EFCAB6: variants seen among roughly 807,000 people sequenced by gnomAD.
EFCAB6 encodes the protein EF-hand calcium-binding domain-containing protein 6.
EFCAB6 carries 156 observed loss-of-function variants against 169.8 expected under a neutral mutation model. The ratio of observed to expected loss-of-function variants is 0.92; its 90% CI spans 0.81 to 1.05. The LOEUF is 1.05. Ranked by LOEUF, EFCAB6 falls within the 50% of genes least tolerant of loss-of-function variation. EFCAB6 has a pLI of 0.00. For synonymous variants in EFCAB6, 698 were observed against 676.4 expected (o/e 1.03, Z -0.50); for missense variants, 1,800 against 1,829.1 (o/e 0.98, Z 0.29).
chr22:43,742,953 G>T (rs1031134257), intron 6 of EFCAB6, among the ~76,000 whole-genome samples: 1 of 152,228 alleles, frequency 6.6e-6, no homozygotes, highest in South Asian at 2.1e-4. Flanking sequence ...TGCCTGGAGA[G>T]CAAGGCTGGG....
intron 6 of EFCAB6, among the ~76,000 whole-genome samples, chr22:43,741,892 C>T (rs551437968): frequency 1.3e-5 from 2 of 152,190 alleles, no homozygotes; most frequent in South Asian, 4.1e-4. Context: ...GCAGGGGAGA[C>T]CTGGTCCCTG....
chr22:43,794,794 TAGAC>T (rs1171675715), intron 2 of EFCAB6, among the ~76,000 whole-genome samples: 2 of 152,194 alleles, frequency 1.3e-5, no homozygotes, highest in African/African-American at 4.8e-5. Flanking sequence ...CTTAATATCT[TAGAC>T]AGACTCTACT....
intron 2 of EFCAB6, among the ~76,000 whole-genome samples, chr22:43,796,575 C>T (rs947563268): frequency 7.2e-5 from 11 of 152,006 alleles, no homozygotes; most frequent in East Asian, 3.9e-4. Context: ...ATACGGCAAC[C>T]GAGAAAAAAC....
At chr22:43,769,110 G>A (rs752557999) in intron 4 of EFCAB6, among the ~76,000 whole-genome samples, 3 of 152,160 alleles carry the variant, frequency 2.0e-5, no homozygotes, top group African/African-American at 7.2e-5. Context: ...TCCATCAGCC[G>A]ATCAAAGGGT....
intron 25 of EFCAB6, among the ~76,000 whole-genome samples, chr22:43,580,154 C>T (rs1034379401): frequency 2.6e-5 from 4 of 152,086 alleles, no homozygotes; most frequent in African/African-American, 7.2e-5. Flanking sequence ...TGCCTGGCTG[C>T]GTTGAGAGCT....
chr22:43,597,948 A>C (rs1293494827), intron 23 of EFCAB6, among the ~76,000 whole-genome samples: 2 of 152,240 alleles, frequency 1.3e-5, no homozygotes, highest in Non-Finnish European at 2.9e-5. Flanking sequence ...AGACATCATT[A>C]TATGAAGAGA....
intron 3 of EFCAB6, among the ~76,000 whole-genome samples, chr22:43,780,628 C>T (rs769167110): frequency 1.3e-5 from 2 of 151,664 alleles, no homozygotes; most frequent in Non-Finnish European, 2.9e-5. Context: ...AGCTATTGAA[C>T]TGGGATGCAT....
At chr22:43,753,661 AAGAG>A (rs2060851738) in intron 6 of EFCAB6, among the ~76,000 whole-genome samples, 1 of 152,156 alleles carries the variant, frequency 6.6e-6, no homozygotes, top group Non-Finnish European at 1.5e-5. Flanking sequence ...GCCTGTGAAG[AAGAG>A]AGAGGCTGAC....
intron 24 of EFCAB6, among the ~76,000 whole-genome samples, chr22:43,584,600 A>C (rs1469004278): frequency 6.6e-6 from 1 of 152,168 alleles, no homozygotes; most frequent in Non-Finnish European, 1.5e-5. Context: ...TTCCAAGGGA[A>C]AAGACTTTCT....
chr22:43,534,894 C>A, intron 29 of EFCAB6, 22 bp from the exon 30 acceptor site: 1 of 1,585,264 alleles, frequency 6.3e-7, no homozygotes, highest in South Asian at 1.2e-5. Flanking sequence ...AATGGCAGTT[C>A]AATTGGTGGC....
intron 19 of EFCAB6, 131 bp downstream of exon 19, chr22:43,631,974 C>T: frequency 7.5e-7 from 1 of 1,337,044 alleles, no homozygotes; most frequent in Non-Finnish European, 1.0e-6. Context: ...GCTGGGTCTG[C>T]AGAGGGAAAT....
intron 22 of EFCAB6, among the ~76,000 whole-genome samples, chr22:43,601,229 G>T (rs2052500657): frequency 6.6e-6 from 1 of 152,068 alleles, no homozygotes; most frequent in African/African-American, 2.4e-5. Flanking sequence ...TTCTGAATTA[G>T]AACTCATTAA....
At chr22:43,789,396 T>C (rs2062191570) in intron 2 of EFCAB6, among the ~76,000 whole-genome samples, 1 of 152,196 alleles carries the variant, frequency 6.6e-6, no homozygotes, top group Admixed American at 6.5e-5. Flanking sequence ...CGTGGGCACC[T>C]TTGGCAAAGG....
At chr22:43,567,771 C>G (rs969708447) in intron 26 of EFCAB6, among the ~76,000 whole-genome samples, 5 of 152,168 alleles carry the variant, frequency 3.3e-5, no homozygotes, top group African/African-American at 4.8e-5. Context: ...CTGAGCTGGG[C>G]AACAGGGAAT....
At chr22:43,620,128 G>C (rs2054016505) in intron 20 of EFCAB6, among the ~76,000 whole-genome samples, 1 of 152,084 alleles carries the variant, frequency 6.6e-6, no homozygotes, top group African/African-American at 2.4e-5. Context: ...GACCAGCATG[G>C]GCAACATGGC....
chr22:43,599,466 C>T (rs975699373), intron 23 of EFCAB6, among the ~76,000 whole-genome samples: 6 of 125,730 alleles, frequency 4.8e-5, no homozygotes, highest in East Asian at 2.7e-4. Context: ...GCTCAGACAG[C>T]GCCATTGCAC....
intron 22 of EFCAB6, among the ~76,000 whole-genome samples, chr22:43,603,128 A>G (rs901880724): frequency 6.6e-6 from 1 of 152,182 alleles, no homozygotes; most frequent in African/African-American, 2.4e-5. Flanking sequence ...TCAAGGGCTC[A>G]CTAACAACAA....
intron 26 of EFCAB6, among the ~76,000 whole-genome samples, chr22:43,575,787 A>C (rs1199445478): frequency 6.6e-6 from 1 of 152,070 alleles, no homozygotes; most frequent in Non-Finnish European, 1.5e-5. Flanking sequence ...ATAATACTTA[A>C]TGTCTCTGTG....
intron 26 of EFCAB6, among the ~76,000 whole-genome samples, chr22:43,574,967 G>A (rs573479967): frequency 6.6e-6 from 1 of 152,286 alleles, no homozygotes; most frequent in African/African-American, 2.4e-5. Context: ...CCGTTTCTGG[G>A]AAGCTGAACA....
Sources: gnomAD v4.1 joint callset for allele counts (sites outside exome capture counted in the v4.1 genomes callset) on GRCh38, gnomAD v4.1.1 for gene constraint, MANE v1.5 for transcripts, NCBI Gene and HGNC (gene_info 2026-07-23, HGNC 2026-07-21) for gene names.